The following RANBP2 variants were observed in gnomAD, a reference collection of about 807,000 sequenced individuals.
RANBP2 encodes E3 SUMO-protein ligase RanBP2.
Under a neutral mutation model 303.6 loss-of-function variants are expected in RANBP2, and 57 were observed. That is an observed-to-expected ratio of 0.19 (90% CI 0.15 to 0.23). RANBP2 has a LOEUF of 0.23. RANBP2 is among the 10% of genes least tolerant of loss of function. The probability of loss-of-function intolerance (pLI) is 1.00; values close to 1 mark genes in which losing one functional copy is unlikely to be tolerated. For synonymous variants in RANBP2, 1,167 were observed against 1,301.5 expected, an observed-to-expected ratio of 0.90 and a Z score of 2.23; for missense variants, 3,138 against 3,780.8, an observed-to-expected ratio of 0.83 and a Z score of 4.46.
chr2:109,576,692 A>G, the RANBP2 span, among the ~76,000 whole-genome samples: 4 of 152,206 alleles, frequency 2.6e-5, no homozygotes, highest in Non-Finnish European at 5.9e-5. Flanking sequence ...CCATAAATGT[A>G]CCTCTATCTG....
chr2:109,430,478 T>TGTCCTCTCCCC, the RANBP2 span, among the ~76,000 whole-genome samples: 2 of 151,932 alleles, frequency 1.3e-5, no homozygotes, highest in African/African-American at 4.8e-5. Context: ...TTTCTTCCTC[T>TGTCCTCTCCCC]GTCCTCTCCC....
At chr2:109,619,238 T>A in the RANBP2 span, among the ~76,000 whole-genome samples, 1 of 152,350 alleles carries the variant, frequency 6.6e-6, no homozygotes, top group South Asian at 2.1e-4. Flanking sequence ...TTATCTTTTC[T>A]GCACATTGAA....
the RANBP2 span, among the ~76,000 whole-genome samples, chr2:109,416,982 A>G: frequency 1.3e-5 from 2 of 151,522 alleles, no homozygotes; most frequent in African/African-American, 2.4e-5. Context: ...GTCACAGGCC[A>G]TGGTGTTCCC....
chr2:108,963,374 C>T, the RANBP2 span, among the ~76,000 whole-genome samples: 3 of 152,242 alleles, frequency 2.0e-5, no homozygotes, highest in South Asian at 2.1e-4. Flanking sequence ...CTAGAGCCGA[C>T]GTTCTAAAAT....
At chr2:109,417,178 C>T in the RANBP2 span, among the ~76,000 whole-genome samples, 7 of 152,340 alleles carry the variant, frequency 4.6e-5, no homozygotes, top group Admixed American at 1.3e-4. Context: ...GCATCCTCTG[C>T]GCAGATGCCT....
the RANBP2 span, among the ~76,000 whole-genome samples, chr2:109,061,029 A>G: frequency 6.6e-6 from 1 of 152,050 alleles, no homozygotes; most frequent in African/African-American, 2.4e-5. Flanking sequence ...CTCCATTTCT[A>G]TGAAGAACTA....
the RANBP2 span, among the ~76,000 whole-genome samples, chr2:108,859,592 G>A: frequency 6.6e-6 from 1 of 151,944 alleles, no homozygotes; most frequent in East Asian, 1.9e-4. Context: ...GATTTTCTTT[G>A]TTGAAAATCA....
In RANBP2 at chr2:108,766,295, G is replaced by A. The variant is rs2912700; in HGVS notation, c.5756G>A (p.Gly1919Asp). 9 of 1,611,952 alleles carry A rather than the reference G, an allele frequency of 5.6e-6. No homozygotes were observed. Among genetic ancestry groups the A allele is most frequent in the Non-Finnish European group, 7.6e-6 (9 of 1,179,910 alleles). The change falls in exon 20 of 29, where the codon GGT becomes GAT. Residue 1919 changes from glycine to aspartate, a missense_variant. Gly to Asp is a moderately conservative substitution (Grantham distance 94). This residue lies in a region of RANBP2 where 348 missense variants were observed against 360.4 expected (regional missense o/e 0.97). Transcript: ENST00000283195. ...EKKSEKPLEN[G>D]TGFQAQDISG... ...AAAAGTGAAAAGCCTCTTGAAAATG[G>A]TACTGGCTTCCAGGCTCAGGATATT... is the stretch of plus-strand genomic sequence containing the variant.
the RANBP2 span, among the ~76,000 whole-genome samples, chr2:109,633,507 G>A: frequency 2.6e-5 from 4 of 152,142 alleles, no homozygotes; most frequent in African/African-American, 9.7e-5. Flanking sequence ...ATGCTGAGGC[G>A]CCCAGGGAAG....
the RANBP2 span, among the ~76,000 whole-genome samples, chr2:108,996,896 A>G: frequency 6.6e-6 from 1 of 152,324 alleles, no homozygotes; most frequent in East Asian, 1.9e-4. Context: ...CAGGTCAGAC[A>G]GGAGCAAAGG....
chr2:109,377,141 G>A, the RANBP2 span, among the ~76,000 whole-genome samples: 6 of 152,224 alleles, frequency 3.9e-5, no homozygotes, highest in Non-Finnish European at 7.3e-5. Context: ...TATTCTTGGC[G>A]TTTCCCATTG....
At chr2:109,636,084 G>T in the RANBP2 span, among the ~76,000 whole-genome samples, 5 of 152,192 alleles carry the variant, frequency 3.3e-5, no homozygotes, top group African/African-American at 1.2e-4. Context: ...CAGAGAGAAG[G>T]CACCATCTGT....
At chr2:109,564,462 C>T in the RANBP2 span, 24 of 1,593,086 alleles carry the variant, frequency 1.5e-5, no homozygotes, top group South Asian at 6.9e-5. Flanking sequence ...GGTCTGCTCT[C>T]GCAGGTCCTC....
the RANBP2 span, chr2:109,432,456 C>T: frequency 6.2e-7 from 1 of 1,606,630 alleles, no homozygotes; most frequent in Non-Finnish European, 8.5e-7. Flanking sequence ...GTCCCCTATC[C>T]CCAGGAGGGC....
the RANBP2 span, chr2:109,585,717 G>C: frequency 6.3e-7 from 1 of 1,593,284 alleles, no homozygotes; most frequent in South Asian, 1.1e-5. Flanking sequence ...TAGGTGGCAC[G>C]TACCCACACA....
chr2:109,381,477 G>T, the RANBP2 span, among the ~76,000 whole-genome samples: 1 of 152,062 alleles, frequency 6.6e-6, no homozygotes, highest in Non-Finnish European at 1.5e-5. Flanking sequence ...CCTACCCTCC[G>T]CAGGGCATCT....
At chr2:109,594,569 TGGTG>T in the RANBP2 span, 1 of 151,902 alleles carries the variant, frequency 6.6e-6, no homozygotes, top group East Asian at 1.9e-4. Flanking sequence ...TACTACAGTG[TGGTG>T]TATACATATC....
chr2:109,217,971 T>C, the RANBP2 span, among the ~76,000 whole-genome samples: 1 of 152,328 alleles, frequency 6.6e-6, no homozygotes, highest in South Asian at 2.1e-4. Flanking sequence ...GCCTTGCTCC[T>C]GCCGGTTGCC....
the RANBP2 span, among the ~76,000 whole-genome samples, chr2:109,436,503 T>G: frequency 6.6e-6 from 1 of 152,246 alleles, no homozygotes; most frequent in African/African-American, 2.4e-5. Flanking sequence ...CTTGCCATCC[T>G]TTCCCCAATG....
Sources: allele counts gnomAD v4.1 joint callset (sites outside exome capture counted in the v4.1 genomes callset), GRCh38; gene constraint gnomAD v4.1.1; regional missense constraint gnomAD v4.1.1; transcripts MANE v1.5; gene names NCBI Gene and HGNC (gene_info 2026-07-23, HGNC 2026-07-21).